Variants in WNK4 observed in about 807,000 individuals in gnomAD.
WNK4 encodes serine/threonine-protein kinase WNK4.
A neutral mutation model predicts 116.2 loss-of-function variants in WNK4; 94 were observed. The observed-to-expected ratio is 0.81, with a 90% CI of 0.68 to 0.96. The LOEUF is 0.96. Ranked by LOEUF, WNK4 falls within the 40% of genes least tolerant of loss-of-function variation. The pLI is 0.00. For synonymous variants in WNK4, 655 were observed against 672.7 expected (o/e 0.97, Z 0.41); for missense variants, 1,542 against 1,650.6 (o/e 0.93, Z 1.14).
intron 11 of WNK4, among the ~76,000 whole-genome samples, chr17:42,789,938 C>A (rs1406670185): frequency 6.6e-6 from 1 of 151,050 alleles, no homozygotes; most frequent in Non-Finnish European, 1.5e-5. Context: ...CCTGGGAGGT[C>A]AAGGCTGCAG....
chr17:42,796,200 AG>A lies in WNK4; in HGVS notation c.3510del (p.Gln1170HisfsTer49). 6.2e-7 allele frequency: 1 copy of A among 1,613,976 alleles called. No homozygotes were observed. On this transcript the variant is annotated frameshift_variant, in exon 17 of 19. Coordinates refer to ENST00000246914, the MANE Select transcript of WNK4 (RefSeq NM_032387.5). LOFTEE classifies it high-confidence loss of function. ...IEDLYSRLGKQPPPGIVAPAA... is the reference protein window; with the variant it reads ...IEDLYSRLGKXPPPGIVAPAA... The stretch of plus-strand genomic sequence containing the variant: ...GATTTGTACAGCCGGCTGGGGAAGC[AG>A]CCCCCACCGGGTATTGTGGCCCCAG...
Position 42,795,849 on chromosome 17 carries a change from G to A in WNK4, c.3247G>A (p.Gly1083Arg), listed in dbSNP as rs1408842631. 1 of 1,613,480 alleles carries A rather than the reference G, an allele frequency of 6.2e-7. No individual in the cohort carries two copies. Among genetic ancestry groups the A allele is most frequent in the African/African-American group, 1.3e-5 (1 of 74,904 alleles). Reference sequence around the variant, plus strand: ...CCGTGCAGCTGAGGGTCTGGGGGCTGGAGTTGAGGAGGAAGGAGATGATGG... The same window carrying A: ...CCGTGCAGCTGAGGGTCTGGGGGCTAGAGTTGAGGAGGAAGGAGATGATGG... ...SDRAAEGLGA[G>R]VEEEGDDGKE... The change falls in exon 16 of 19, where the codon GGA (glycine) becomes AGA (arginine). Residue 1083 changes from glycine to arginine, a missense_variant. By Grantham distance (125) the Gly-to-Arg change is moderately radical (BLOSUM62 -2). Coordinates refer to ENST00000246914, the MANE Select transcript of WNK4 (RefSeq NM_032387.5).
intron 6 of WNK4, 31 bp from the exon 7 acceptor site, chr17:42,787,247 C>A (rs2054558835): frequency 1.9e-6 from 3 of 1,612,620 alleles, no homozygotes; most frequent in East Asian, 4.5e-5. Flanking sequence ...GGGTCCCAAG[C>A]TGTGTTCCTC....
Position 42,794,844 on chromosome 17 carries a change from G to C in WNK4, c.2423G>C (p.Gly808Ala), listed in dbSNP as rs147081637. Residue 808 changes from glycine (G) to alanine (A), a missense_variant, in exon 14 of 19, where the codon GGA becomes GCA. Transcript: ENST00000246914. ...TAFSTSSSSP[G>A]TPLSPGNPFS... ...TTCTCCACCTCCTCATCTTCTCCTGGAACTCCTTTGTCTCCTGGAAACCCA... is the reference window on the plus strand; with the variant it reads ...TTCTCCACCTCCTCATCTTCTCCTGCAACTCCTTTGTCTCCTGGAAACCCA... 10 of 1,613,658 alleles carry C rather than the reference G, an allele frequency of 6.2e-6. No homozygotes were observed. In the East Asian group the frequency reaches 2.2e-4, roughly 36 times the overall value.
chr17:42,783,819 G>T, intron 2 of WNK4, 118 bp from the exon 3 acceptor site: 1 of 963,436 alleles, frequency 1.0e-6, no homozygotes. Flanking sequence ...CTAGGAGAAT[G>T]CTGGCAGAAG....
In WNK4 at chr17:42,785,263, C is replaced by T; in HGVS notation, c.1260-3C>T. The T allele has an allele frequency of 1.7e-5, 27 of 1,608,764 alleles. No individual in the cohort carries two copies. Among genetic ancestry groups the T allele is most frequent in the Non-Finnish European group, 2.0e-5 (24 of 1,177,978 alleles). On this transcript the variant is annotated splice_region_variant and splice_polypyrimidine_tract_variant and intron_variant, in intron 5 of 18. Transcript: ENST00000246914. ...GCTCGGCTCACCCACGCGTCACCCTCAGGTTCACCATCCAGGACCTCCTGG... is the reference window on the plus strand; with the variant it reads ...GCTCGGCTCACCCACGCGTCACCCTTAGGTTCACCATCCAGGACCTCCTGG...
At chr17:42,781,371 G>A in intron 1 of WNK4, 55 bp downstream of exon 1, 1 of 1,612,270 alleles carries the variant, frequency 6.2e-7, no homozygotes, top group African/African-American at 1.3e-5. Flanking sequence ...GGAGGTCTTA[G>A]GATGACAGAC....
rs143956890 is a variant in WNK4, at chr17:42,795,829, C to T, written c.3227C>T (p.Ala1076Val). Reference sequence around the variant, plus strand: ...GAAGCTCTGGCTGAGAGCGACCGTGCAGCTGAGGGTCTGGGGGCTGGAGTT... The same window carrying T: ...GAAGCTCTGGCTGAGAGCGACCGTGTAGCTGAGGGTCTGGGGGCTGGAGTT... ...TREALAESDR[A>V]AEGLGAGVEE... The change falls in exon 16 of 19, where the codon GCA becomes GTA. Residue 1076 changes from alanine (A) to valine (V), a missense_variant. Ala to Val is a moderately conservative substitution (Grantham distance 64, BLOSUM62 0). Around this residue, in one of 7 missense-constraint regions of WNK4, gnomAD observed 292 missense variants for 290.1 expected, o/e 1.01. Transcript: ENST00000246914. The T allele has an allele frequency of 6.2e-7, 1 of 1,613,822 alleles. No homozygotes were observed.
At position 42,796,881 on chromosome 17, in the gene WNK4, G is replaced by A; in HGVS notation, c.*193G>A. The stretch of plus-strand genomic sequence containing the variant: ...GCCAAACATATGTGAACTGTTTGCT[G>A]TGTGGAGGTGTTAGTTCTGCTGCCT... On this transcript the variant is annotated 3_prime_UTR_variant, in exon 19 of 19. Coordinates refer to ENST00000246914, the MANE Select transcript of WNK4 (RefSeq NM_032387.5). 1.8e-6 allele frequency: 2 copies of A among 1,105,676 alleles called. No homozygotes were observed. The highest frequency in any genetic ancestry group is 1.3e-6 in the Non-Finnish European group (1 of 776,874). 68.5% of individuals were successfully genotyped at this position (1,105,676 alleles called of 1,614,324 possible).
chr17:42,788,023 C>T lies in WNK4; in HGVS notation c.1864-107C>T, dbSNP rs1197970823. The stretch of plus-strand genomic sequence containing the variant: ...GGAAATCCACCATTCTTGCCCTCCT[C>T]TTCCCTAATTCCATCTCCCTAATAT... On this transcript the variant is annotated intron_variant, in intron 8 of 18. Coordinates refer to ENST00000246914, the MANE Select transcript of WNK4 (RefSeq NM_032387.5). The T allele has an allele frequency of 3.8e-6, 6 of 1,586,000 alleles. No individual in the cohort carries two copies. The East Asian group carries it at 1.1e-4, about 30-fold the overall frequency.
In WNK4 at chr17:42,796,799, A is replaced by G. The variant is rs952156119; in HGVS notation, c.*111A>G. 1.9e-6 allele frequency: 3 copies of G among 1,611,450 alleles called. No homozygotes were observed. The highest frequency in any genetic ancestry group is 4.5e-5 in the East Asian group (2 of 44,876). On this transcript the variant is annotated 3_prime_UTR_variant, in exon 19 of 19. Coordinates refer to ENST00000246914, the MANE Select transcript of WNK4 (RefSeq NM_032387.5). ...AAAACTGAGCAAGGAAGATCCCAAC[A>G]CTGAAGGGGTAGAAGGCCAGGGGGG...
rs2054580209 is a variant in WNK4 at position 42,788,794 on chromosome 17, C to T, written c.2154C>T (p.Ala718=). Residue 718 remains alanine (A), a synonymous_variant, in exon 11 of 19, where the codon GCC becomes GCT. Coordinates refer to ENST00000246914, the MANE Select transcript of WNK4 (RefSeq NM_032387.5). The part of the protein sequence containing the change: ...DGDSPEEIAA[A]MVYNEFILPS... ...ACAGCCCGGAAGAGATTGCAGCTGC[C>T]ATGGTGAGGGGGAGAGAGATGAGGA... is the stretch of plus-strand genomic sequence containing the variant. 3.1e-6 allele frequency: 5 copies of T among 1,612,710 alleles called. No homozygotes were observed. The highest frequency in any genetic ancestry group is 4.2e-6 in the Non-Finnish European group (5 of 1,178,784).
At position 42,781,121 on chromosome 17, in the gene WNK4, G is replaced by C; in HGVS notation, c.423G>C (p.Arg141Ser). Residue 141 changes from arginine to serine, a missense_variant, in exon 1 of 19, where the codon AGG (arginine) becomes AGC (serine). Arg to Ser is a moderately radical substitution (Grantham distance 110). This residue lies in a region of WNK4 where 243 missense variants were observed against 217.8 expected (regional missense o/e 1.12). Transcript: ENST00000246914. ...GCCCGGGGTCCAGGGAGCCGCTAAG[G>C]GTCCCTGAAGCTGTGGCCCTAGAGC... ...AVGPGSREPL[R>S]VPEAVALERR... The C allele has an allele frequency of 6.2e-7, 1 of 1,614,024 alleles. No homozygotes were observed. The highest frequency in any genetic ancestry group is 1.1e-5 in the South Asian group (1 of 91,086).
Position 42,795,738 on chromosome 17 carries a change from A to G in WNK4, c.3136A>G (p.Thr1046Ala). 6.2e-7 allele frequency: 1 copy of G among 1,613,514 alleles called. No homozygotes were observed. Among genetic ancestry groups the G allele is most frequent in the Non-Finnish European group, 8.5e-7 (1 of 1,179,990 alleles). ...PTLSGSPKPS[T>A]PQLTSESSDT... ...TCTCTCTGGTTCTCCAAAACCTTCAACCCCTCAGCTCACTTCAGAGAGCTC... is the reference window on the plus strand; with the variant it reads ...TCTCTCTGGTTCTCCAAAACCTTCAGCCCCTCAGCTCACTTCAGAGAGCTC... Residue 1046 changes from threonine (T) to alanine (A), a missense_variant, in exon 16 of 19, where the codon ACC (threonine) becomes GCC (alanine). Thr to Ala is a moderately conservative substitution (Grantham distance 58). Coordinates refer to ENST00000246914, the MANE Select transcript of WNK4 (RefSeq NM_032387.5).
chr17:42,784,682 G>A lies in WNK4; in HGVS notation c.1170+103G>A. On this transcript the variant is annotated intron_variant, in intron 4 of 18. Transcript: ENST00000246914. This position sits in a 1 kb window ranked among gnomAD's most constrained non-coding sequence, Gnocchi z 4.4. ...ATGCCCTTTGCCTGCACGAAAACAGGCTAGACACAGAGTCGCCTTGGTGAA... is the reference window on the plus strand; with the variant it reads ...ATGCCCTTTGCCTGCACGAAAACAGACTAGACACAGAGTCGCCTTGGTGAA... 1.4e-6 allele frequency: 2 copies of A among 1,470,248 alleles called. No individual in the cohort carries two copies. Among genetic ancestry groups the A allele is most frequent in the South Asian group, 1.2e-5 (1 of 83,638 alleles). 91.1% of individuals were successfully genotyped at this position (1,470,248 alleles called of 1,614,324 possible). A position where few individuals can be genotyped will look rare whatever the true frequency, so the allele number is the denominator to read the frequency against.
chr17:42,793,227 T>G (rs899040765), intron 11 of WNK4, among the ~76,000 whole-genome samples: 1 of 152,168 alleles, frequency 6.6e-6, no homozygotes, highest in South Asian at 2.1e-4. Context: ...TTTTTTATTT[T>G]TATTTTTTTG....
chr17:42,792,906 A>C (rs1053361745), intron 11 of WNK4, among the ~76,000 whole-genome samples: 26 of 152,216 alleles, frequency 1.7e-4, no homozygotes, highest in Admixed American at 1.7e-3. Flanking sequence ...AGCAGTGAAG[A>C]TAACTCAGGC....
At position 42,795,051 on chromosome 17, in the gene WNK4, C is replaced by T; in HGVS notation, c.2630C>T (p.Ser877Phe). The change falls in exon 14 of 19, where the codon TCT (serine) becomes TTT (phenylalanine). Residue 877 changes from serine (S) to phenylalanine (F), a missense_variant. Coordinates refer to ENST00000246914, the MANE Select transcript of WNK4 (RefSeq NM_032387.5). ...ACACCCGAGTTTCCGGTCCCACTCT[C>T]TCAGTGTCCCTGGAGTTCTCTCCCC... ...SSTPEFPVPL[S>F]QCPWSSLPTT... is the part of the protein sequence containing the mutation. The T allele has an allele frequency of 1.9e-6, 3 of 1,614,036 alleles. No individual in the cohort carries two copies. Among genetic ancestry groups the T allele is most frequent in the Non-Finnish European group, 2.5e-6 (3 of 1,179,994 alleles).
In WNK4 at chr17:42,784,879, G is replaced by A. The variant is rs539918924; in HGVS notation, c.1171-218G>A. On this transcript the variant is annotated intron_variant, in intron 4 of 18. Coordinates refer to ENST00000246914, the MANE Select transcript of WNK4 (RefSeq NM_032387.5). This position sits in a 1 kb window ranked among gnomAD's most constrained non-coding sequence, Gnocchi z 4.4. ...CAAATGTTCCACCCTGCGATTTACAGATGAACAAACAGCGGGAGACTTGTT... is the reference window on the plus strand; with the variant it reads ...CAAATGTTCCACCCTGCGATTTACAAATGAACAAACAGCGGGAGACTTGTT... 6.7e-6 allele frequency among the ~76,000 whole-genome samples: 1 copy of A among 148,242 alleles called. No homozygotes were observed. The highest frequency in any genetic ancestry group is 2.0e-4 in the East Asian group (1 of 5,070).
Sources: gnomAD v4.1 joint callset for allele counts (sites outside exome capture counted in the v4.1 genomes callset) on GRCh38, gnomAD v4.1.1 for gene constraint, gnomAD v4.1.1 regional missense constraint, Gnocchi (gnomAD v3.1) non-coding constraint, MANE v1.5 for transcripts, NCBI Gene and HGNC (gene_info 2026-07-23, HGNC 2026-07-21) for gene names.